Variants in HERC1 observed in about 807,000 individuals in gnomAD.
HERC1 encodes HECT and RLD domain containing E3 ubiquitin protein ligase family member 1.
HERC1 carries 160 observed loss-of-function variants against 554.3 expected under a neutral mutation model. The ratio of observed to expected loss-of-function variants is 0.29; its 90% confidence interval spans 0.25 to 0.33. The LOEUF (loss-of-function observed/expected upper bound fraction) is 0.33. Among genes scored for constraint, HERC1 ranks in the 10% least tolerant of loss-of-function variants. The pLI, the probability that HERC1 is intolerant of heterozygous loss-of-function variation, is 1.00. For synonymous variants in HERC1, 2,175 were observed against 2,131.7 expected (o/e 1.02, Z -0.56); for missense variants, 4,919 against 5,918.5 (o/e 0.83, Z 5.54).
chr15:63,609,334 A>G (rs745951885), intron 77 of HERC1, 68 bp from the exon 78 acceptor site: 10 of 1,362,732 alleles, frequency 7.3e-6, no homozygotes, highest in South Asian at 3.0e-5. Context: ...GGGGCTGCCC[A>G]TGACCTCTCC....
chr15:63,657,983 T>C (rs1481439007), intron 48 of HERC1, among the ~76,000 whole-genome samples: 1 of 152,230 alleles, frequency 6.6e-6, no homozygotes, highest in Non-Finnish European at 1.5e-5. Flanking sequence ...TTAACTCTCT[T>C]CTGTACTATC....
chr15:63,630,440 A>C, intron 69 of HERC1, 26 bp downstream of exon 69: 1 of 1,595,058 alleles, frequency 6.3e-7, no homozygotes, highest in African/African-American at 1.3e-5. Flanking sequence ...GAATATGAGA[A>C]AGCAGCAAGC....
intron 24 of HERC1, among the ~76,000 whole-genome samples, chr15:63,707,792 G>T (rs2073088765): frequency 6.6e-6 from 1 of 151,876 alleles, no homozygotes; most frequent in South Asian, 2.1e-4. Context: ...AGCTGGGTGT[G>T]GTAGCACACG....
intron 1 of HERC1, among the ~76,000 whole-genome samples, chr15:63,822,087 G>C (rs2077720891): frequency 6.6e-6 from 1 of 152,142 alleles, no homozygotes; most frequent in Admixed American, 6.6e-5. Flanking sequence ...TGAATTATGT[G>C]AGCGAGCCAG....
In HERC1 at chr15:63,694,300, T is replaced by C. The variant is rs750109639; in HGVS notation, c.5480+12A>G. 5 of 1,606,730 alleles carry C rather than the reference T, an allele frequency of 3.1e-6. No individual in the cohort carries two copies. The highest frequency in any genetic ancestry group is 4.3e-6 in the Non-Finnish European group (5 of 1,175,908). On this transcript the variant is annotated intron_variant, in intron 29 of 77. Coordinates refer to ENST00000443617, the MANE Select transcript of HERC1 (RefSeq NM_003922.4). This position sits in a 1 kb window ranked among gnomAD's most constrained non-coding sequence, Gnocchi z 4.3. Reference sequence around the variant, plus strand: ...CTTCATACAGTTCTACAAAGACATCTACCATACTTACCCAGTAGTGATGGC... The same window carrying C: ...CTTCATACAGTTCTACAAAGACATCCACCATACTTACCCAGTAGTGATGGC...
rs1338593510 is a variant in HERC1 at position 63,692,288 on chromosome 15, A to G, written c.5830+123T>C. ...TCTTTTGATCAAATAGGTACGCAGA[A>G]AATAAGAAAGAAAAGCCTTCAAATC... is the stretch of plus-strand genomic sequence containing the variant. On this transcript the variant is annotated intron_variant, in intron 31 of 77. Transcript: ENST00000443617. This position sits in a 1 kb window ranked among gnomAD's most constrained non-coding sequence, Gnocchi z 4.7. The G allele has an allele frequency of 1.4e-6, 1 of 720,312 alleles. No homozygotes were observed. The highest frequency in any genetic ancestry group is 1.8e-5 in the African/African-American group (1 of 55,530). 44.6% of individuals were successfully genotyped at this position (720,312 alleles called of 1,614,324 possible). A position where few individuals can be genotyped will look rare whatever the true frequency, so the allele number is the denominator to read the frequency against.
At chr15:63,813,928 G>A (rs576897828) in intron 1 of HERC1, among the ~76,000 whole-genome samples, 25 of 152,134 alleles carry the variant, frequency 1.6e-4, no homozygotes, top group Admixed American at 9.8e-4. Flanking sequence ...GCATGGTGGC[G>A]GGTGCCAGTA....
intron 22 of HERC1, among the ~76,000 whole-genome samples, chr15:63,714,416 T>C (rs530312155): frequency 5.3e-5 from 8 of 152,160 alleles, no homozygotes; most frequent in East Asian, 1.9e-4. Flanking sequence ...GGAATACCCA[T>C]CTGATGCCAG....
chr15:63,768,906 C>T (rs2075865917), intron 2 of HERC1, among the ~76,000 whole-genome samples: 1 of 152,008 alleles, frequency 6.6e-6, no homozygotes, highest in African/African-American at 2.4e-5. Context: ...AAACTGATAG[C>T]AATAATTATT....
In HERC1 at chr15:63,775,666, G is replaced by C; in HGVS notation, c.-26-17C>G. The C allele has an allele frequency of 6.9e-7, 1 of 1,444,980 alleles. No homozygotes were observed. The highest frequency in any genetic ancestry group is 1.3e-5 in the South Asian group (1 of 74,608). 89.5% of individuals were successfully genotyped at this position (1,444,980 alleles called of 1,614,324 possible). A position where few individuals can be genotyped will look rare whatever the true frequency, so the allele number is the denominator to read the frequency against. On this transcript the variant is annotated splice_polypyrimidine_tract_variant and intron_variant, in intron 1 of 77. Coordinates refer to ENST00000443617, the MANE Select transcript of HERC1 (RefSeq NM_003922.4). The surrounding 1 kb of genome is among the most constrained non-coding windows in gnomAD (Gnocchi z 4.0). ...CCATTAGTCCTGCAAAGGGAGAAGA[G>C]AAAACAGTCAAAAACATACAGAGGA...
intron 2 of HERC1, among the ~76,000 whole-genome samples, chr15:63,772,994 G>A (rs921744545): frequency 7.2e-5 from 11 of 152,084 alleles, no homozygotes; most frequent in Admixed American, 4.6e-4. Context: ...CAACATAATT[G>A]GATTTTATGA....
chr15:63,766,414 CTT>C (rs2075779267), intron 2 of HERC1, among the ~76,000 whole-genome samples: 1 of 151,952 alleles, frequency 6.6e-6, no homozygotes, highest in African/African-American at 2.4e-5. Flanking sequence ...ATGGTAAAAC[CTT>C]GTCTCTACTA....
Position 63,638,775 on chromosome 15 carries a change from T to C in HERC1, c.11903A>G (p.Asp3968Gly). The stretch of plus-strand genomic sequence containing the variant: ...CATGCCGTTAATCCATTTACTGTTA[T>C]CCTGAAAAACAGGGGGTACATAATG... ...VPEDELVFLMDNSKWINGMDE... is the reference protein window; with the variant it reads ...VPEDELVFLMGNSKWINGMDE... Residue 3968 changes from aspartate (D) to glycine (G), a missense_variant and splice_region_variant, in exon 62 of 78, where the codon GAT (aspartate) becomes GGT (glycine). This residue lies in a region of HERC1 where 1,963 missense variants were observed against 2,228.6 expected (regional missense o/e 0.88). Transcript: ENST00000443617. 3 of 1,613,174 alleles carry C rather than the reference T, an allele frequency of 1.9e-6. No homozygotes were observed. Among genetic ancestry groups the C allele is most frequent in the Non-Finnish European group, 2.5e-6 (3 of 1,179,164 alleles).
chr15:63,818,402 C>T (rs1441447270), intron 1 of HERC1, among the ~76,000 whole-genome samples: 1 of 151,938 alleles, frequency 6.6e-6, no homozygotes, highest in African/African-American at 2.4e-5. Flanking sequence ...GGAGCCAAAC[C>T]GACAGATGGC....
chr15:63,640,482 T>C (rs762578317), intron 60 of HERC1, 37 bp from the exon 61 acceptor site: 2 of 1,531,250 alleles, frequency 1.3e-6, no homozygotes, highest in Admixed American at 3.6e-5. Flanking sequence ...TGTCAAAGAG[T>C]TTGTGCCAAA....
rs1283942732 is a variant in HERC1, at chr15:63,656,125, G to A, written c.9833C>T (p.Pro3278Leu). The change falls in exon 49 of 78, where the codon CCT (proline) becomes CTT (leucine). Residue 3278 changes from proline to leucine, a missense_variant. Physicochemically the swap from Pro to Leu is moderately conservative, Grantham distance 98. This residue lies in a region of HERC1 where 1,963 missense variants were observed against 2,228.6 expected (regional missense o/e 0.88). Transcript: ENST00000443617. ...CTGTACAAGCAGTTTGGCAGCACTA[G>A]GAGCATTTGATGCCAGACATCCCAC... ...TAVGCLASNA[P>L]SAAKLLVQLC... 6.2e-7 allele frequency: 1 copy of A among 1,612,856 alleles called. No individual in the cohort carries two copies. The highest frequency in any genetic ancestry group is 1.7e-5 in the Admixed American group (1 of 59,856).
chr15:63,737,837 T>C (rs1313365756), intron 12 of HERC1, among the ~76,000 whole-genome samples: 1 of 152,112 alleles, frequency 6.6e-6, no homozygotes, highest in Admixed American at 6.5e-5. Flanking sequence ...AGCACACTGA[T>C]TTTCTAAGTA....
rs1363911929 is a variant in HERC1, at chr15:63,672,668, C to T, written c.7873G>A (p.Asp2625Asn). ...QEIDQQAEES[D>N]PAQQAQTPVT... Reference sequence around the variant, plus strand: ...GGTGTCTGTGCCTGCTGGGCAGGGTCACTTTCTTCAGCTTGTTGATCAATC... The same window carrying T: ...GGTGTCTGTGCCTGCTGGGCAGGGTTACTTTCTTCAGCTTGTTGATCAATC... Residue 2625 changes from aspartate to asparagine, a missense_variant, in exon 39 of 78, where the codon GAC (aspartate) becomes AAC (asparagine). Around this residue, in one of 11 missense-constraint regions of HERC1, gnomAD observed 1,963 missense variants for 2,228.6 expected, o/e 0.88. Coordinates refer to ENST00000443617, the MANE Select transcript of HERC1 (RefSeq NM_003922.4). 3.7e-6 allele frequency: 6 copies of T among 1,608,022 alleles called. No homozygotes were observed. Among genetic ancestry groups the T allele is most frequent in the Non-Finnish European group, 4.2e-6 (5 of 1,176,536 alleles).
chr15:63,680,015 C>A lies in HERC1; in HGVS notation c.6549+62G>T. ...AAATAGCTTATTATATTTATAAACT[C>A]TATCTGATGCTAAACAATAAAATAA... On this transcript the variant is annotated intron_variant, in intron 36 of 77. Coordinates refer to ENST00000443617, the MANE Select transcript of HERC1 (RefSeq NM_003922.4). This position sits in a 1 kb window ranked among gnomAD's most constrained non-coding sequence, Gnocchi z 5.8. 1 of 1,140,366 alleles carries A rather than the reference C, an allele frequency of 8.8e-7. No homozygotes were observed. The highest frequency in any genetic ancestry group is 1.3e-6 in the Non-Finnish European group (1 of 775,340). 70.6% of individuals were successfully genotyped at this position (1,140,366 alleles called of 1,614,324 possible).
Sources: allele counts gnomAD v4.1 joint callset (sites outside exome capture counted in the v4.1 genomes callset), GRCh38; gene constraint gnomAD v4.1.1; regional missense constraint gnomAD v4.1.1; non-coding constraint Gnocchi (gnomAD v3.1); transcripts MANE v1.5; gene names NCBI Gene and HGNC (gene_info 2026-07-23, HGNC 2026-07-21).